Variants in SEPTIN6 observed in about 807,000 individuals in gnomAD.
The protein encoded by SEPTIN6 is septin 6, also known as septin-6.
In SEPTIN6, 8 loss-of-function variants were observed where a neutral mutation model predicts 33.6. That is an observed-to-expected ratio of 0.24 (90% confidence interval 0.14 to 0.43). The LOEUF is 0.43. Ranked by LOEUF, SEPTIN6 falls within the 20% of genes least tolerant of loss-of-function variation. SEPTIN6 has a pLI of 1.00. For missense variants in SEPTIN6, 250 were observed against 340.8 expected, an observed-to-expected ratio of 0.73 and a Z score of 2.10; for synonymous variants, 131 against 140.0, an observed-to-expected ratio of 0.94 and a Z score of 0.45.
chrX:119,622,706 AC>A (rs1274440766), intron 10 of SEPTIN6, among the ~76,000 whole-genome samples: 1 of 112,441 alleles, frequency 8.9e-6, no homozygotes, highest in Non-Finnish European at 1.9e-5. Context: ...GTGCAGTGAA[AC>A]CTGAATTAAC....
At chrX:119,666,014 G>C (rs1240408845) in intron 2 of SEPTIN6, among the ~76,000 whole-genome samples, 1 of 108,607 alleles carries the variant, frequency 9.2e-6, no homozygotes, top group African/African-American at 3.4e-5. Flanking sequence ...CCCAGGAGGT[G>C]GAGCTTGCAG....
chrX:119,634,782 G>C (rs1391250822), intron 7 of SEPTIN6, among the ~76,000 whole-genome samples: 1 of 110,539 alleles, frequency 9.0e-6, no homozygotes, highest in African/African-American at 3.3e-5. Flanking sequence ...GCCAAGGTGG[G>C]TAGATCACTT....
intron 3 of SEPTIN6, among the ~76,000 whole-genome samples, chrX:119,657,983 C>T (rs1280740399): frequency 3.6e-5 from 4 of 110,682 alleles, no homozygotes; most frequent in Middle Eastern, 4.6e-3. Flanking sequence ...AAAAATTAGC[C>T]GGGCGTGGTG....
intron 10 of SEPTIN6, among the ~76,000 whole-genome samples, chrX:119,621,798 C>CT (rs1394676028): frequency 5.1e-5 from 4 of 78,771 alleles, no homozygotes; most frequent in African/African-American, 1.8e-4. Flanking sequence ...AGCCAACTCT[C>CT]TTAAAAAAAA....
rs11374271 is a variant in SEPTIN6 at position 119,620,319 on chromosome X, CT to C, written c.*42-269del. Reference sequence around the variant, plus strand: ...ACAAAAATACATTTTATCTTTCTTTCTTTTTTTTTTTTTTTTTGAGACAGAG... The same window carrying C: ...ACAAAAATACATTTTATCTTTCTTTCTTTTTTTTTTTTTTTTGAGACAGAG... On this transcript the variant is annotated intron_variant, in intron 10 of 10. Coordinates refer to ENST00000394610, the MANE Select transcript of SEPTIN6 (RefSeq NM_145799.4). 4.1e-3 allele frequency among the ~76,000 whole-genome samples: 396 copies of C among 95,821 alleles called. 2 individuals are homozygous for C. Among genetic ancestry groups the C allele is most frequent in the African/African-American group, 9.9e-3 (261 of 26,291 alleles). 83.2% of individuals were successfully genotyped at this position (95,821 alleles called of 115,157 possible).
intron 10 of SEPTIN6, among the ~76,000 whole-genome samples, chrX:119,620,679 G>A: frequency 9.3e-6 from 1 of 107,252 alleles, no homozygotes; most frequent in Non-Finnish European, 2.0e-5. Flanking sequence ...GAGTGCAGTG[G>A]CCGTGATCTT....
At chrX:119,663,450 C>T (rs2054580894) in intron 3 of SEPTIN6, 32 bp downstream of exon 3, 1 of 627,207 alleles carries the variant, frequency 1.6e-6, no homozygotes, top group Non-Finnish European at 2.6e-6. Context: ...TACCAACCTC[C>T]CCACCCTACC....
chrX:119,659,662 T>C lies in SEPTIN6; in HGVS notation c.341+3820A>G, dbSNP rs759915370. Among the ~76,000 whole-genome samples the C allele has an allele frequency of 6.3e-5, 7 of 111,894 alleles. No individual in the cohort carries two copies. The East Asian group carries it at 1.7e-3, about 27-fold the overall frequency. On this transcript the variant is annotated intron_variant, in intron 3 of 10. Coordinates refer to ENST00000394610, the MANE Select transcript of SEPTIN6 (RefSeq NM_145799.4). ...AACTCTCTAAGGTAGGTAGTATTAT[T>C]ATTATCATCCATCATTATCATCCCC...
chrX:119,625,234 C>T, intron 10 of SEPTIN6, 101 bp downstream of exon 10: 1 of 557,707 alleles, frequency 1.8e-6, no homozygotes. Flanking sequence ...ACCAATGAAG[C>T]AGCTTCTTCT....
In SEPTIN6 at chrX:119,617,285, C is replaced by A; in HGVS notation, c.*2808G>T. On this transcript the variant is annotated 3_prime_UTR_variant, in exon 11 of 11. Transcript: ENST00000394610. Reference sequence around the variant, plus strand: ...GTAACAGTTGTACTAATTTAAAAGCCTTTTCATTGAAGAAGGAAAAAATCT... The same window carrying A: ...GTAACAGTTGTACTAATTTAAAAGCATTTTCATTGAAGAAGGAAAAAATCT... 1 of 805,334 alleles carries A rather than the reference C, an allele frequency of 1.2e-6. No homozygotes were observed. Among genetic ancestry groups the A allele is most frequent in the Non-Finnish European group, 1.5e-6 (1 of 670,627 alleles). The allele number at this position is 805,334 out of a possible 1,213,427, so 66.4% of individuals were successfully genotyped here.
rs372320759 is a variant in SEPTIN6, at chrX:119,654,321, C to T, written c.342-1281G>A. Among the ~76,000 whole-genome samples the T allele has an allele frequency of 6.4e-4, 71 of 111,336 alleles. 3 individuals are homozygous for T. In the South Asian group the frequency reaches 0.027, roughly 42 times the overall value. On this transcript the variant is annotated intron_variant, in intron 3 of 10. Transcript: ENST00000394610. ...GTCCCCTCCCACGTCATCCCCGTCACCCCTACGGCCTCTTTCTGCTCTAAC... is the reference window on the plus strand; with the variant it reads ...GTCCCCTCCCACGTCATCCCCGTCATCCCTACGGCCTCTTTCTGCTCTAAC...
chrX:119,619,955 T>A lies in SEPTIN6; in HGVS notation c.*138A>T. 1 of 1,184,826 alleles carries A rather than the reference T, an allele frequency of 8.4e-7. No homozygotes were observed. Among genetic ancestry groups the A allele is most frequent in the Non-Finnish European group, 1.1e-6 (1 of 885,673 alleles). ...GCAGGAAGAGAGGAGAGGGCGCGGG[T>A]TGGATTGTATGCCCCCCAGGCATGT... On this transcript the variant is annotated 3_prime_UTR_variant, in exon 11 of 11. Transcript: ENST00000394610.
At chrX:119,679,100 C>T (rs1167194617) in intron 1 of SEPTIN6, among the ~76,000 whole-genome samples, 2 of 110,155 alleles carry the variant, frequency 1.8e-5, no homozygotes, top group Non-Finnish European at 3.8e-5. Context: ...CCACCGCACC[C>T]GGCTAATTTT....
intron 5 of SEPTIN6, among the ~76,000 whole-genome samples, chrX:119,648,724 T>C (rs915437924): frequency 9.0e-6 from 1 of 111,319 alleles, no homozygotes; most frequent in Non-Finnish European, 1.9e-5. Context: ...TCATAGGAGG[T>C]GGCAGCTGAA....
chrX:119,687,226 CTTCT>C (rs775835757), intron 1 of SEPTIN6, among the ~76,000 whole-genome samples: 135 of 105,178 alleles, frequency 1.3e-3, no homozygotes, highest in African/African-American at 4.3e-3. Context: ...TCCTTCTTTC[CTTCT>C]TTCTTTCTTT....
At chrX:119,676,129 T>C (rs2054835705) in intron 1 of SEPTIN6, among the ~76,000 whole-genome samples, 1 of 112,020 alleles carries the variant, frequency 8.9e-6, no homozygotes, top group Non-Finnish European at 1.9e-5. Flanking sequence ...GCTTAGTATA[T>C]GCAGAAGTAT....
In SEPTIN6 at chrX:119,648,890, G is replaced by A. The variant is rs1260204869; in HGVS notation, c.690+1047C>T. ...AGAAAAAGAAATCTGTTCCTAAAGCGGAGGCTTTCTGAAAGCTATTAGCTG... is the reference window on the plus strand; with the variant it reads ...AGAAAAAGAAATCTGTTCCTAAAGCAGAGGCTTTCTGAAAGCTATTAGCTG... On this transcript the variant is annotated intron_variant, in intron 5 of 10. Coordinates refer to ENST00000394610, the MANE Select transcript of SEPTIN6 (RefSeq NM_145799.4). 3.6e-5 allele frequency among the ~76,000 whole-genome samples: 4 copies of A among 111,506 alleles called. 1 individual carries two copies. Among genetic ancestry groups the A allele is most frequent in the African/African-American group, 9.8e-5 (3 of 30,646 alleles).
chrX:119,653,346 C>T (rs1217418132), intron 3 of SEPTIN6, among the ~76,000 whole-genome samples: 1 of 112,299 alleles, frequency 8.9e-6, no homozygotes, highest in Non-Finnish European at 1.9e-5. Context: ...CGGCCTTCCC[C>T]ACTTATGCCA....
rs747452514 is a variant in SEPTIN6, at chrX:119,637,105, C to T, written c.878G>A (p.Arg293Gln). The T allele has an allele frequency of 4.1e-5, 50 of 1,209,432 alleles. No homozygotes were observed. In the Admixed American group the frequency reaches 9.6e-4, roughly 23 times the overall value. The stretch of plus-strand genomic sequence containing the variant: ...ACAGCGGCGATACAGCTCATAGTGC[C>T]GGGTGTGGGTCTGCTCCCGCAGATC... ...MEDLREQTHT[R>Q]HYELYRRCKL... The change falls in exon 7 of 11, where the codon CGG becomes CAG. Residue 293 changes from arginine (R) to glutamine (Q), a missense_variant. Transcript: ENST00000394610.
Sources: allele counts gnomAD v4.1 joint callset (sites outside exome capture counted in the v4.1 genomes callset), GRCh38; gene constraint gnomAD v4.1.1; transcripts MANE v1.5; gene names NCBI Gene and HGNC (gene_info 2026-07-23, HGNC 2026-07-21).